The following NUMB variants were observed in gnomAD, a reference collection of about 807,000 sequenced individuals.
NUMB encodes protein numb homolog.
NUMB carries 29 observed loss-of-function variants against 59.7 expected under a neutral mutation model. The ratio of observed to expected loss-of-function variants is 0.49; its 90% CI spans 0.36 to 0.66. The LOEUF is 0.66. Ranked by LOEUF, NUMB falls within the 30% of genes least tolerant of loss-of-function variation. The probability of loss-of-function intolerance (pLI) is 0.00; values close to 1 mark genes in which losing one functional copy is unlikely to be tolerated. For missense variants in NUMB, 723 were observed against 822.0 expected (o/e 0.88, Z 1.47); for synonymous variants, 288 against 288.2 (o/e 1.00, Z 0.01).
chr14:73,383,723 A>C (rs1450748225), intron 2 of NUMB, among the ~76,000 whole-genome samples: 1 of 152,122 alleles, frequency 6.6e-6, no homozygotes, highest in Non-Finnish European at 1.5e-5. Flanking sequence ...TCTCTAATAA[A>C]AACAATGGGG....
At chr14:73,355,422 A>G (rs1390436526) in intron 4 of NUMB, among the ~76,000 whole-genome samples, 1 of 152,210 alleles carries the variant, frequency 6.6e-6, no homozygotes, top group Non-Finnish European at 1.5e-5. Flanking sequence ...TTTAAATATA[A>G]AAAGAAAACT....
rs60134093 is a variant in NUMB at position 73,352,459 on chromosome 14, T to TACACACACAC, written c.126+3157_126+3166dup. ...ACACACACACACACACACACACACA[T>TACACACACAC]ACACACACACACACACACATATATA... is the stretch of plus-strand genomic sequence containing the variant. On this transcript the variant is annotated intron_variant, in intron 4 of 12. Coordinates refer to ENST00000555238, the MANE Select transcript of NUMB (RefSeq NM_001005743.2). Among the ~76,000 whole-genome samples, 33 of 19,494 alleles carry TACACACACAC rather than the reference T, an allele frequency of 1.7e-3. 3 individuals carry two copies. The highest frequency in any genetic ancestry group is 2.8e-3 in the Admixed American group (3 of 1,080). The allele number at this position is 19,494 out of a possible 152,430, so 12.8% of individuals were successfully genotyped here. A position where few individuals can be genotyped will look rare whatever the true frequency, so the allele number is the denominator to read the frequency against.
intron 6 of NUMB, among the ~76,000 whole-genome samples, chr14:73,314,186 T>A (rs1396193914): frequency 6.6e-6 from 1 of 152,228 alleles, no homozygotes; most frequent in Non-Finnish European, 1.5e-5. Context: ...AGATAAAATC[T>A]TCACTTATAA....
chr14:73,292,789 C>T lies in NUMB; in HGVS notation c.395G>A (p.Arg132His), dbSNP rs779262341. ...GATCCAGCGACGAGTGGTGCCATCA[C>T]GGCATATGTAAGAAAAGGCTCTATC... ...NFDRAFSYIC[R>H]DGTTRRWICH... Residue 132 changes from arginine (R) to histidine (H), a missense_variant, in exon 8 of 13, where the codon CGT becomes CAT. Physicochemically the swap from Arg to His is conservative, Grantham distance 29. Coordinates refer to ENST00000555238, the MANE Select transcript of NUMB (RefSeq NM_001005743.2). 24 of 1,614,208 alleles carry T rather than the reference C, an allele frequency of 1.5e-5. No homozygotes were observed. The highest frequency in any genetic ancestry group is 2.2e-5 in the South Asian group (2 of 91,086).
At chr14:73,441,815 C>CA (rs1329392642) in intron 1 of NUMB, among the ~76,000 whole-genome samples, 1 of 151,888 alleles carries the variant, frequency 6.6e-6, no homozygotes, top group Admixed American at 6.6e-5. Flanking sequence ...TTTGAGGCTG[C>CA]AGTGAGCTAT....
intron 2 of NUMB, among the ~76,000 whole-genome samples, chr14:73,399,863 G>A (rs9805930): frequency 5.2e-4 from 79 of 152,142 alleles, no homozygotes; most frequent in African/African-American, 1.9e-3. Context: ...AGCCAACATG[G>A]AGAAACCCCA....
chr14:73,318,189 T>C (rs1891189144), intron 5 of NUMB, among the ~76,000 whole-genome samples: 1 of 152,160 alleles, frequency 6.6e-6, no homozygotes, highest in South Asian at 2.1e-4. Flanking sequence ...TCTTGAGGGA[T>C]GGGAAGGTGA....
At chr14:73,341,696 C>T (rs1892637320) in intron 4 of NUMB, among the ~76,000 whole-genome samples, 1 of 152,154 alleles carries the variant, frequency 6.6e-6, no homozygotes, top group South Asian at 2.1e-4. Context: ...CCTGGGATTA[C>T]AGGTTACCAT....
intron 6 of NUMB, among the ~76,000 whole-genome samples, chr14:73,309,876 T>C (rs1209306939): frequency 6.6e-6 from 1 of 151,898 alleles, no homozygotes; most frequent in Non-Finnish European, 1.5e-5. Flanking sequence ...GAGTCATAAA[T>C]GCCATGAAAT....
In NUMB at chr14:73,296,170, C is replaced by T. The variant is rs137887260; in HGVS notation, c.309+1041G>A. 3.9e-3 allele frequency among the ~76,000 whole-genome samples: 600 copies of T among 152,202 alleles called. 2 individuals carry two copies. The highest frequency in any genetic ancestry group is 0.014 in the African/African-American group (571 of 41,512). On this transcript the variant is annotated intron_variant, in intron 7 of 12. Coordinates refer to ENST00000555238, the MANE Select transcript of NUMB (RefSeq NM_001005743.2). ...TATAAGAACAAAAATAGGCCACGAG[C>T]GGTGGCTCATGCCTGTAATCCCAGC...
chr14:73,370,171 G>A (rs1894591237), intron 2 of NUMB, among the ~76,000 whole-genome samples: 1 of 152,046 alleles, frequency 6.6e-6, no homozygotes, highest in East Asian at 1.9e-4. Flanking sequence ...TGAGGGCTCT[G>A]CCCACATGAG....
chr14:73,364,490 C>T (rs1281224984), intron 3 of NUMB, among the ~76,000 whole-genome samples: 3 of 151,910 alleles, frequency 2.0e-5, no homozygotes, highest in Non-Finnish European at 4.4e-5. Context: ...GGTGACAGAG[C>T]AAGACCCTGT....
In NUMB at chr14:73,276,897, T is replaced by C. The variant is rs1888198814; in HGVS notation, c.1637A>G (p.Gln546Arg). The change falls in exon 13 of 13, where the codon CAG becomes CGG. Residue 546 changes from glutamine to arginine, a missense_variant. Physicochemically the swap from Gln to Arg is conservative, Grantham distance 43 (BLOSUM62 1). Transcript: ENST00000555238. The part of the protein sequence containing the change: ...ANVFGTAGHP[Q>R]AAHPHQSPSL... ...GGGTGACTGATGGGGATGGGCAGCCTGAGGGTGGCCTGCAGTGCCAAATAC... is the reference window on the plus strand; with the variant it reads ...GGGTGACTGATGGGGATGGGCAGCCCGAGGGTGGCCTGCAGTGCCAAATAC... 8 of 1,614,014 alleles carry C rather than the reference T, an allele frequency of 5.0e-6. No individual in the cohort carries two copies. In the Admixed American group the frequency reaches 1.3e-4, roughly 27 times the overall value.
At chr14:73,353,620 G>GTACATC (rs1172910924) in intron 4 of NUMB, among the ~76,000 whole-genome samples, 85 of 148,666 alleles carry the variant, frequency 5.7e-4, no homozygotes, top group East Asian at 1.4e-3. Flanking sequence ...GCTGAGGCAG[G>GTACATC]AGAATCGTTT....
chr14:73,413,337 G>A (rs1037951361), intron 1 of NUMB, among the ~76,000 whole-genome samples: 7 of 150,570 alleles, frequency 4.6e-5, no homozygotes, highest in Middle Eastern at 3.5e-3. Flanking sequence ...CACCCGCCTC[G>A]GCCTTCCAAA....
At chr14:73,363,160 A>G (rs964875161) in intron 3 of NUMB, among the ~76,000 whole-genome samples, 2 of 151,970 alleles carry the variant, frequency 1.3e-5, no homozygotes, top group African/African-American at 4.8e-5. Context: ...AGTCAGGCAC[A>G]TTGGTATGTG....
intron 6 of NUMB, among the ~76,000 whole-genome samples, chr14:73,307,889 C>T (rs1210435327): frequency 2.0e-5 from 3 of 152,096 alleles, no homozygotes; most frequent in East Asian, 1.9e-4. Flanking sequence ...CCCGCCACCA[C>T]GCCCGGCTAA....
At chr14:73,292,578 G>A (rs1292911348) in intron 8 of NUMB, among the ~76,000 whole-genome samples, 156 bp downstream of exon 8, 1 of 152,208 alleles carries the variant, frequency 6.6e-6, no homozygotes, top group Admixed American at 6.5e-5. Context: ...CATCAAGAGT[G>A]TGAACTATTT....
At chr14:73,329,444 G>C (rs995080007) in intron 4 of NUMB, among the ~76,000 whole-genome samples, 1 of 152,134 alleles carries the variant, frequency 6.6e-6, no homozygotes, top group Non-Finnish European at 1.5e-5. Flanking sequence ...ATTTCAGCTT[G>C]AGCTTCTCCC....
Sources: allele counts gnomAD v4.1 joint callset (sites outside exome capture counted in the v4.1 genomes callset), GRCh38; gene constraint gnomAD v4.1.1; transcripts MANE v1.5; gene names NCBI Gene and HGNC (gene_info 2026-07-23, HGNC 2026-07-21).